The following PTPN12 variants were observed in gnomAD, a reference collection of about 807,000 sequenced individuals.
The protein encoded by PTPN12 is protein tyrosine phosphatase non-receptor type 12.
A neutral mutation model predicts 97.6 loss-of-function variants in PTPN12; 29 were observed. The ratio of observed to expected loss-of-function variants is 0.30; its 90% CI spans 0.22 to 0.41. The LOEUF (loss-of-function observed/expected upper bound fraction) is 0.41, where lower values mean the gene tolerates loss of function less well. Ranked by LOEUF, PTPN12 falls within the 10% of genes least tolerant of loss-of-function variation. The pLI is 1.00. For synonymous variants in PTPN12, 327 were observed against 300.4 expected (o/e 1.09, Z -0.91); for missense variants, 819 against 926.0 (o/e 0.88, Z 1.50).
At position 77,581,633 on chromosome 7, in the gene PTPN12, C is replaced by A. The variant is rs1787519031; in HGVS notation, c.285+130C>A. On this transcript the variant is annotated intron_variant, in intron 3 of 17. Transcript: ENST00000248594. Reference sequence around the variant, plus strand: ...AAGAAATAAAAATAAAGCCACTGCCCTGGCACAATGTTTTTATATGCTTTC... The same window carrying A: ...AAGAAATAAAAATAAAGCCACTGCCATGGCACAATGTTTTTATATGCTTTC... 6.4e-5 allele frequency: 30 copies of A among 469,376 alleles called. No homozygotes were observed. The South Asian group carries it at 1.2e-3, about 19-fold the overall frequency. The allele number at this position is 469,376 out of a possible 1,614,324, so 29.1% of individuals were successfully genotyped here.
intron 8 of PTPN12, among the ~76,000 whole-genome samples, chr7:77,603,631 T>A (rs1330175872): frequency 6.6e-6 from 1 of 152,202 alleles, no homozygotes; most frequent in Non-Finnish European, 1.5e-5. Flanking sequence ...TTTTTGTTTT[T>A]AATTTACTTT....
intron 1 of PTPN12, among the ~76,000 whole-genome samples, chr7:77,552,516 T>A (rs1807525474): frequency 6.6e-6 from 1 of 152,212 alleles, no homozygotes; most frequent in African/African-American, 2.4e-5. Context: ...TATCATTTTT[T>A]AAAATAGGAT....
intron 1 of PTPN12, chr7:77,564,070 G>T: frequency 4.1e-6 from 1 of 244,558 alleles, no homozygotes; most frequent in Non-Finnish European, 8.6e-6. Flanking sequence ...GTAGAGATTG[G>T]GTTTCACCAT....
rs571891324 is a variant in PTPN12 at position 77,639,901 on chromosome 7, T to G, written c.*621T>G. On this transcript the variant is annotated 3_prime_UTR_variant, in exon 18 of 18. Transcript: ENST00000248594. ...AATTGTTCATCCTAATTGTTCCTGT[T>G]TTCATCTAGTCAGAGATTCAGTAAG... is the stretch of plus-strand genomic sequence containing the variant. 63 of 152,660 alleles carry G rather than the reference T, an allele frequency of 4.1e-4. 1 individual carries two copies. The highest frequency in any genetic ancestry group is 7.6e-4 in the Non-Finnish European group (52 of 68,044). The allele number at this position is 152,660 out of a possible 1,614,324, so 9.5% of individuals were successfully genotyped here. A position where few individuals can be genotyped will look rare whatever the true frequency, so the allele number is the denominator to read the frequency against.
Position 77,585,993 on chromosome 7 carries a change from G to T in PTPN12, c.420+412G>T, listed in dbSNP as rs570835861. 1.1e-3 allele frequency among the ~76,000 whole-genome samples: 169 copies of T among 151,992 alleles called. 2 individuals carry two copies. The highest frequency in any genetic ancestry group is 1.6e-4 in the Non-Finnish European group (11 of 67,978). ...TTTCTAGACAGAGTCTCGCTCTGTT[G>T]CCCAGGCTGGAGTGCAGTGGTACAA... On this transcript the variant is annotated intron_variant, in intron 5 of 17. Coordinates refer to ENST00000248594, the MANE Select transcript of PTPN12 (RefSeq NM_002835.4).
chr7:77,606,727 G>A (rs1020928875), intron 8 of PTPN12, among the ~76,000 whole-genome samples: 1 of 152,234 alleles, frequency 6.6e-6, no homozygotes, highest in Non-Finnish European at 1.5e-5. Flanking sequence ...GAAGCATGGG[G>A]AAGTATGTCC....
At chr7:77,567,193 G>A (rs1321629516) in intron 1 of PTPN12, among the ~76,000 whole-genome samples, 1 of 128,560 alleles carries the variant, frequency 7.8e-6, no homozygotes, top group Non-Finnish European at 1.8e-5. Context: ...ATGTTGATGT[G>A]TTAAAAAAAA....
In PTPN12 at chr7:77,637,944, AATTT is replaced by A. The variant is rs752042627; in HGVS notation, c.2174-679_2174-676del. On this transcript the variant is annotated intron_variant, in intron 16 of 17. Transcript: ENST00000248594. Reference sequence around the variant, plus strand: ...AACCCTGACCTTGTTGATTTCTTAAAATTTTTTTTTTTTTTTTTTTTTTTTTTTT... The same window carrying A: ...AACCCTGACCTTGTTGATTTCTTAAATTTTTTTTTTTTTTTTTTTTTTTTT... 7.6e-4 allele frequency among the ~76,000 whole-genome samples: 68 copies of A among 89,502 alleles called. 7 individuals are homozygous for A. Among genetic ancestry groups the A allele is most frequent in the African/African-American group, 1.8e-3 (37 of 20,586 alleles). The allele number at this position is 89,502 out of a possible 152,430, so 58.7% of individuals were successfully genotyped here.
chr7:77,539,586 A>G (rs2151291602), intron 1 of PTPN12, among the ~76,000 whole-genome samples: 1 of 151,830 alleles, frequency 6.6e-6, no homozygotes, highest in Admixed American at 6.6e-5. Context: ...GATGTTTAAA[A>G]CTAGTTTTTT....
At chr7:77,614,617 A>T (rs557169017) in intron 11 of PTPN12, among the ~76,000 whole-genome samples, 18 of 152,276 alleles carry the variant, frequency 1.2e-4, no homozygotes, top group Admixed American at 4.6e-4. Context: ...ATAACTTTTT[A>T]GTATTTTCTT....
intron 12 of PTPN12, 56 bp downstream of exon 12, chr7:77,618,621 T>TA: frequency 8.6e-7 from 1 of 1,162,796 alleles, no homozygotes; most frequent in African/African-American, 1.6e-5. Context: ...TACTCACTGT[T>TA]AATTAAAATG....
chr7:77,590,567 T>A (rs1787834207), intron 5 of PTPN12, among the ~76,000 whole-genome samples: 1 of 151,128 alleles, frequency 6.6e-6, no homozygotes, highest in Admixed American at 6.6e-5. Flanking sequence ...ATCTTTTTTT[T>A]TTTTTTGTGG....
At chr7:77,566,789 C>CT (rs1324165510) in intron 1 of PTPN12, among the ~76,000 whole-genome samples, 5 of 151,796 alleles carry the variant, frequency 3.3e-5, no homozygotes, top group South Asian at 2.1e-4. Context: ...GTTTTCTTAG[C>CT]TTTTTTTTAA....
intron 9 of PTPN12, among the ~76,000 whole-genome samples, chr7:77,609,778 G>A (rs1460757841): frequency 1.3e-5 from 2 of 151,766 alleles, no homozygotes; most frequent in African/African-American, 2.4e-5. Flanking sequence ...CTACTCCGGA[G>A]GCTGAGGCAG....
At chr7:77,537,823 C>G (rs970736130) in intron 1 of PTPN12, among the ~76,000 whole-genome samples, 178 bp downstream of exon 1, 14 of 152,112 alleles carry the variant, frequency 9.2e-5, no homozygotes, top group South Asian at 4.1e-4. Flanking sequence ...GCGCCTCCCC[C>G]CGTGGCCTCC....
intron 8 of PTPN12, among the ~76,000 whole-genome samples, chr7:77,604,207 T>TC (rs1371419535): frequency 1.9e-5 from 2 of 104,528 alleles, no homozygotes; most frequent in Non-Finnish European, 3.7e-5. Context: ...ATTTTTTTCT[T>TC]CCTTTTTTTT....
At chr7:77,540,372 A>G (rs536324186) in intron 1 of PTPN12, among the ~76,000 whole-genome samples, 1 of 151,044 alleles carries the variant, frequency 6.6e-6, no homozygotes, top group Non-Finnish European at 1.5e-5. Context: ...TGAGTAGCTG[A>G]GATTACAGGC....
chr7:77,549,426 C>G (rs1807373429), intron 1 of PTPN12, among the ~76,000 whole-genome samples: 1 of 152,074 alleles, frequency 6.6e-6, no homozygotes, highest in Non-Finnish European at 1.5e-5. Flanking sequence ...AAACATCAGG[C>G]AAAATTTTAA....
intron 1 of PTPN12, among the ~76,000 whole-genome samples, chr7:77,564,749 T>TTTTTG (rs1485518520): frequency 0.088 from 5,877 of 66,868 alleles, 734 homozygotes; most frequent in African/African-American, 0.14. Context: ...TTGTCGTGTT[T>TTTTTG]TTTTTTTTTT....
Sources: gnomAD v4.1 joint callset for allele counts (sites outside exome capture counted in the v4.1 genomes callset) on GRCh38, gnomAD v4.1.1 for gene constraint, MANE v1.5 for transcripts, NCBI Gene and HGNC (gene_info 2026-07-23, HGNC 2026-07-21) for gene names.